Variants in CDH11 observed in about 807,000 individuals in gnomAD.
CDH11 encodes cadherin 11, also known as cadherin-11.
In CDH11, 11 loss-of-function variants were observed where a neutral mutation model predicts 67.8. The ratio of observed to expected loss-of-function variants is 0.16; its 90% CI spans 0.10 to 0.27. CDH11 has a LOEUF of 0.27. Among genes scored for constraint, CDH11 ranks in the 10% least tolerant of loss-of-function variants. The probability of loss-of-function intolerance (pLI) is 1.00; values close to 1 mark genes in which losing one functional copy is unlikely to be tolerated. For missense variants in CDH11, 847 were observed against 1,031.2 expected (o/e 0.82, Z 2.45); for synonymous variants, 419 against 400.0 (o/e 1.05, Z -0.57).
intron 1 of CDH11, among the ~76,000 whole-genome samples, chr16:65,056,341 A>G (rs1358205547): frequency 6.6e-6 from 1 of 152,198 alleles, no homozygotes; most frequent in East Asian, 1.9e-4. Flanking sequence ...TAAAGATGCC[A>G]TCTTGGACAC....
Position 64,945,006 on chromosome 16 carries a change from A to G in CDH11, c.*2597T>C. 1 of 209,716 alleles carries G rather than the reference A, an allele frequency of 4.8e-6. No individual in the cohort carries two copies. The allele number at this position is 209,716 out of a possible 1,614,324, so 13.0% of individuals were successfully genotyped here. ...TTCTGAATCCTCCAGTAAGTGGAAC[A>G]GGGTTTATAAAATAAGATTTTGATG... On this transcript the variant is annotated 3_prime_UTR_variant, in exon 13 of 13. Transcript: ENST00000268603.
chr16:65,073,624 T>C (rs1479090299), intron 1 of CDH11, among the ~76,000 whole-genome samples: 1 of 152,180 alleles, frequency 6.6e-6, no homozygotes, highest in East Asian at 1.9e-4. Flanking sequence ...ACTGCTTTTT[T>C]GGGTACCCTC....
chr16:65,059,977 C>A (rs1301298040), intron 1 of CDH11, among the ~76,000 whole-genome samples: 1 of 152,182 alleles, frequency 6.6e-6, no homozygotes, highest in East Asian at 1.9e-4. Context: ...TTCACTTTCT[C>A]CTTTCAACAT....
At chr16:65,054,289 T>C (rs2142720662) in intron 1 of CDH11, among the ~76,000 whole-genome samples, 1 of 152,328 alleles carries the variant, frequency 6.6e-6, no homozygotes, top group East Asian at 1.9e-4. Flanking sequence ...CCATTTCTGA[T>C]AGAACCTATG....
Position 65,010,197 on chromosome 16 carries a change from C to T in CDH11, c.-172-5156G>A, listed in dbSNP as rs149641485. ...ACATTAAGAATATTACCACGGCCCA[C>T]ACCAGAGCTCAAAACCCCATTCTGT... On this transcript the variant is annotated intron_variant, in intron 2 of 12. Transcript: ENST00000268603. 2.2e-3 allele frequency among the ~76,000 whole-genome samples: 342 copies of T among 152,280 alleles called. 3 individuals carry two copies. The highest frequency in any genetic ancestry group is 7.6e-3 in the African/African-American group (314 of 41,566).
At chr16:65,053,236 T>C (rs1038185288) in intron 2 of CDH11, among the ~76,000 whole-genome samples, 25 of 152,286 alleles carry the variant, frequency 1.6e-4, no homozygotes, top group Middle Eastern at 3.4e-3. Flanking sequence ...ATGTAAGAAC[T>C]GTTAGAAATC....
intron 2 of CDH11, among the ~76,000 whole-genome samples, chr16:65,046,107 T>TG (rs1463682067): frequency 6.6e-6 from 1 of 152,166 alleles, no homozygotes; most frequent in East Asian, 1.9e-4. Context: ...AGGGAGGAAA[T>TG]GCACAGGTAA....
At chr16:65,013,616 A>G (rs1028040069) in intron 2 of CDH11, among the ~76,000 whole-genome samples, 7 of 152,134 alleles carry the variant, frequency 4.6e-5, no homozygotes, top group Admixed American at 2.6e-4. Flanking sequence ...CAGGGTCAGG[A>G]GTTTGAGACC....
chr16:65,048,113 G>A (rs1406881631), intron 2 of CDH11, among the ~76,000 whole-genome samples: 1 of 152,204 alleles, frequency 6.6e-6, no homozygotes, highest in Admixed American at 6.5e-5. Flanking sequence ...CATAGGGATG[G>A]TTCTCAAGAT....
At chr16:65,002,700 G>C (rs1388066745) in intron 3 of CDH11, among the ~76,000 whole-genome samples, 1 of 152,056 alleles carries the variant, frequency 6.6e-6, no homozygotes, top group Admixed American at 6.6e-5. Flanking sequence ...TCATGTAAAA[G>C]AACAATTAAG....
chr16:64,972,531 G>A (rs1290949459), intron 9 of CDH11, among the ~76,000 whole-genome samples: 1 of 152,150 alleles, frequency 6.6e-6, no homozygotes, highest in Non-Finnish European at 1.5e-5. Flanking sequence ...GCATGATCAA[G>A]TTTGAGTTGT....
intron 8 of CDH11, among the ~76,000 whole-genome samples, chr16:64,977,189 G>C (rs1480824066): frequency 6.6e-6 from 1 of 152,168 alleles, no homozygotes; most frequent in African/African-American, 2.4e-5. Flanking sequence ...GACAGAGTGA[G>C]ACCCTGTCTC....
intron 2 of CDH11, among the ~76,000 whole-genome samples, chr16:65,005,957 G>A (rs2073043711): frequency 6.6e-6 from 1 of 152,162 alleles, no homozygotes; most frequent in Non-Finnish European, 1.5e-5. Flanking sequence ...ACTCCTCACA[G>A]GTTTCTGAGC....
intron 1 of CDH11, among the ~76,000 whole-genome samples, chr16:65,077,723 C>A (rs2074538378): frequency 6.6e-6 from 1 of 152,192 alleles, no homozygotes; most frequent in African/African-American, 2.4e-5. Context: ...CATTACGCAG[C>A]TATAGGACTC....
At chr16:65,017,735 G>C (rs1033734677) in intron 2 of CDH11, among the ~76,000 whole-genome samples, 1 of 152,118 alleles carries the variant, frequency 6.6e-6, no homozygotes, top group East Asian at 1.9e-4. Context: ...AACTAGATCT[G>C]TATGTTACCT....
intron 1 of CDH11, among the ~76,000 whole-genome samples, chr16:65,061,109 T>C (rs867695688): frequency 3.0e-4 from 46 of 152,234 alleles, no homozygotes; most frequent in Non-Finnish European, 4.7e-4. Context: ...ATAGTGCTTT[T>C]TTATTTCTCC....
At chr16:65,004,538 G>A in intron 3 of CDH11, 104 bp downstream of exon 3, 4 of 1,218,620 alleles carry the variant, frequency 3.3e-6, no homozygotes, top group Middle Eastern at 2.9e-4. Flanking sequence ...AGCCATTGGT[G>A]TTTTCTCTCT....
At chr16:65,069,170 A>G (rs1336641002) in intron 1 of CDH11, among the ~76,000 whole-genome samples, 2 of 152,224 alleles carry the variant, frequency 1.3e-5, no homozygotes, top group Non-Finnish European at 2.9e-5. Context: ...AACAGAATAC[A>G]TGCTGTGCAT....
intron 2 of CDH11, among the ~76,000 whole-genome samples, chr16:65,021,569 C>CACACATATATATAT (rs4048808): frequency 7.2e-5 from 10 of 139,032 alleles, no homozygotes; most frequent in African/African-American, 8.1e-5. Flanking sequence ...CACACACACA[C>CACACATATATATAT]ATATATATAT....
Sources: allele counts gnomAD v4.1 joint callset (sites outside exome capture counted in the v4.1 genomes callset), GRCh38; gene constraint gnomAD v4.1.1; transcripts MANE v1.5; gene names NCBI Gene and HGNC (gene_info 2026-07-23, HGNC 2026-07-21).